Variants in LRRC53 observed in about 807,000 individuals in gnomAD.
The protein encoded by LRRC53 is leucine-rich repeat-containing protein 53.
LRRC53 carries 25 observed loss-of-function variants against 13.6 expected under a neutral mutation model. The observed-to-expected ratio is 1.83, with a 90% CI of 1.34 to 2.56. The LOEUF (loss-of-function observed/expected upper bound fraction) is 2.56. Among genes scored for constraint, LRRC53 ranks in the 30% most tolerant of loss-of-function variants. The pLI is 0.00. For synonymous variants in LRRC53, 204 were observed against 109.8 expected, an observed-to-expected ratio of 1.86 and a Z score of -5.37; for missense variants, 527 against 275.8, an observed-to-expected ratio of 1.91 and a Z score of -6.45.
chr1:74,496,620 ATTC>A (rs1669340489), intron 1 of LRRC53, among the ~76,000 whole-genome samples: 2 of 151,894 alleles, frequency 1.3e-5, no homozygotes, highest in South Asian at 4.1e-4. Flanking sequence ...AATTATTATT[ATTC>A]TTTATAAATA....
the LRRC53 span, among the ~76,000 whole-genome samples, chr1:74,522,254 A>T: frequency 6.6e-6 from 1 of 152,322 alleles, no homozygotes; most frequent in East Asian, 1.9e-4. Flanking sequence ...TTTAGGACAG[A>T]TCTGCTCTTG....
chr1:74,478,973 G>A (rs1297337068), intron 3 of LRRC53, among the ~76,000 whole-genome samples: 1 of 152,128 alleles, frequency 6.6e-6, no homozygotes, highest in Non-Finnish European at 1.5e-5. Context: ...TACTGCTGAT[G>A]GTAGTTCCAT....
chr1:74,525,863 G>C, the LRRC53 span, among the ~76,000 whole-genome samples: 5 of 152,238 alleles, frequency 3.3e-5, no homozygotes, highest in African/African-American at 1.2e-4. Context: ...ACACCAGAGT[G>C]GGGTAAGAAC....
chr1:74,495,653 G>T (rs1488910661), intron 1 of LRRC53, among the ~76,000 whole-genome samples: 1 of 152,148 alleles, frequency 6.6e-6, no homozygotes, highest in African/African-American at 2.4e-5. Flanking sequence ...AGGAAACTGA[G>T]GCTCATAGAA....
At chr1:74,490,649 C>T (rs1012159528) in intron 1 of LRRC53, among the ~76,000 whole-genome samples, 1 of 152,184 alleles carries the variant, frequency 6.6e-6, no homozygotes, top group Non-Finnish European at 1.5e-5. Flanking sequence ...CCTAAAGAGG[C>T]TTGACTTGCG....
the LRRC53 span, among the ~76,000 whole-genome samples, chr1:74,534,887 G>C: frequency 6.6e-6 from 1 of 152,118 alleles, no homozygotes; most frequent in African/African-American, 2.4e-5. Flanking sequence ...TTCCTCCTTT[G>C]AAATGGAGCA....
At chr1:74,479,150 CTCTCTT>C (rs900086550) in intron 3 of LRRC53, among the ~76,000 whole-genome samples, 3 of 152,168 alleles carry the variant, frequency 2.0e-5, no homozygotes, top group African/African-American at 7.2e-5. Flanking sequence ...TCTGGTCTCT[CTCTCTT>C]TCTCTCCCCA....
intron 3 of LRRC53, among the ~76,000 whole-genome samples, chr1:74,476,785 T>C (rs1317823276): frequency 6.6e-6 from 1 of 152,176 alleles, no homozygotes; most frequent in African/African-American, 2.4e-5. Context: ...TTTGACTGGC[T>C]ACACCATGTC....
chr1:74,495,639 G>C (rs976659426), intron 1 of LRRC53, among the ~76,000 whole-genome samples: 2 of 152,100 alleles, frequency 1.3e-5, no homozygotes, highest in Non-Finnish European at 2.9e-5. Context: ...AATTTTTATA[G>C]ATGAGGAAAC....
At chr1:74,518,408 T>C in the LRRC53 span, among the ~76,000 whole-genome samples, 5 of 152,198 alleles carry the variant, frequency 3.3e-5, no homozygotes, top group African/African-American at 1.2e-4. Flanking sequence ...TCTTCTTCTT[T>C]ACCTAAAGGG....
intron 1 of LRRC53, among the ~76,000 whole-genome samples, chr1:74,512,189 T>C (rs529360455): frequency 6.6e-6 from 1 of 152,274 alleles, no homozygotes; most frequent in Admixed American, 6.5e-5. Context: ...TAAAGGGGCA[T>C]GATTTCTGCA....
At chr1:74,494,890 G>A (rs1437718767) in intron 1 of LRRC53, among the ~76,000 whole-genome samples, 1 of 152,130 alleles carries the variant, frequency 6.6e-6, no homozygotes, top group African/African-American at 2.4e-5. Flanking sequence ...CAAAAATGTA[G>A]GCAAGTCACA....
intron 3 of LRRC53, among the ~76,000 whole-genome samples, chr1:74,478,935 T>C (rs1668341167): frequency 6.6e-6 from 1 of 152,218 alleles, no homozygotes; most frequent in South Asian, 2.1e-4. Flanking sequence ...TTTCCTAACA[T>C]TTGAATTTCC....
intron 1 of LRRC53, among the ~76,000 whole-genome samples, chr1:74,498,347 C>T (rs954599993): frequency 3.3e-5 from 5 of 152,144 alleles, no homozygotes; most frequent in Non-Finnish European, 7.4e-5. Context: ...GGGGGCTACC[C>T]CATCTCGATT....
Position 74,471,199 on chromosome 1 carries a change from A to G in LRRC53, c.2423T>C (p.Leu808Pro). 2.5e-6 allele frequency: 1 copy of G among 400,690 alleles called. No homozygotes were observed. The highest frequency in any genetic ancestry group is 3.6e-5 in the East Asian group (1 of 28,066). 24.8% of individuals were successfully genotyped at this position (400,690 alleles called of 1,614,324 possible). A position where few individuals can be genotyped will look rare whatever the true frequency, so the allele number is the denominator to read the frequency against. ...YYQRNTKRAP[L>P]LSANNLRVVN... Reference sequence around the variant, plus strand: ...TACACGCAAGTTGTTAGCACTGAGCAGGGGGGCACGTTTAGTGTTTCGTTG... The same window carrying G: ...TACACGCAAGTTGTTAGCACTGAGCGGGGGGGCACGTTTAGTGTTTCGTTG... Residue 808 changes from leucine (L) to proline (P), a missense_variant, in exon 5 of 5, where the codon CTG becomes CCG. Coordinates refer to ENST00000294635, the MANE Select transcript of LRRC53 (RefSeq NM_001382280.1).
At position 74,483,268 on chromosome 1, in the gene LRRC53, T is replaced by C. The variant is rs1451777576; in HGVS notation, c.82A>G (p.Ile28Val). 2 of 717,350 alleles carry C rather than the reference T, an allele frequency of 2.8e-6. No homozygotes were observed. Among genetic ancestry groups the C allele is most frequent in the Admixed American group, 2.0e-5 (1 of 50,006 alleles). The allele number at this position is 717,350 out of a possible 1,614,324, so 44.4% of individuals were successfully genotyped here. The change falls in exon 2 of 5, where the codon ATA becomes GTA. Residue 28 changes from isoleucine to valine, a missense_variant. Transcript: ENST00000294635. ...DVTLCHQLTY[I>V]VAAPMTTRVL... Reference sequence around the variant, plus strand: ...GAGTTATTAGTTTTATTACCTACTATATAGGTTAGCTGGTGACAGAGGGTT... The same window carrying C: ...GAGTTATTAGTTTTATTACCTACTACATAGGTTAGCTGGTGACAGAGGGTT...
the LRRC53 span, among the ~76,000 whole-genome samples, chr1:74,535,955 C>CA: frequency 1.3e-5 from 2 of 151,996 alleles, no homozygotes; most frequent in African/African-American, 4.8e-5. Context: ...TTATCTTCAT[C>CA]AAAAAAATAA....
In LRRC53 at chr1:74,508,090, G is replaced by A. The variant is rs17095479; in HGVS notation, c.-27+4436C>T. On this transcript the variant is annotated intron_variant, in intron 1 of 4. Coordinates refer to ENST00000294635, the MANE Select transcript of LRRC53 (RefSeq NM_001382280.1). ...CTAGTGTATTCTAACACAGACGGAG[G>A]CATTACTAAGAAAAAGGAGAGGCAG... Among the ~76,000 whole-genome samples the A allele has an allele frequency of 9.8e-3, 1,494 of 152,314 alleles. 19 individuals are homozygous for A. Among genetic ancestry groups the A allele is most frequent in the African/African-American group, 0.034 (1,417 of 41,566 alleles).
chr1:74,527,928 G>A, the LRRC53 span, among the ~76,000 whole-genome samples: 1 of 152,160 alleles, frequency 6.6e-6, no homozygotes, highest in Non-Finnish European at 1.5e-5. Context: ...GAGGGTGTCA[G>A]AACAAAAGTG....
Sources: allele counts gnomAD v4.1 joint callset (sites outside exome capture counted in the v4.1 genomes callset), GRCh38; gene constraint gnomAD v4.1.1; transcripts MANE v1.5; gene names NCBI Gene and HGNC (gene_info 2026-07-23, HGNC 2026-07-21).